The following EXOC6B variants were observed in gnomAD, a reference collection of about 807,000 sequenced individuals.
EXOC6B encodes exocyst complex component 6B, also known as SEC15 homolog B.
In EXOC6B, 54 loss-of-function variants were observed where a neutral mutation model predicts 113.5. The observed-to-expected ratio is 0.48, with a 90% CI of 0.38 to 0.60. EXOC6B has a LOEUF of 0.60. EXOC6B is among the 20% of genes least tolerant of loss of function. EXOC6B has a pLI of 0.00. For synonymous variants in EXOC6B, 357 were observed against 339.0 expected (o/e 1.05, Z -0.58); for missense variants, 797 against 977.5 (o/e 0.82, Z 2.46).
intron 18 of EXOC6B, among the ~76,000 whole-genome samples, chr2:72,433,214 G>C (rs1695651519): frequency 6.6e-6 from 1 of 152,206 alleles, no homozygotes; most frequent in African/African-American, 2.4e-5. Flanking sequence ...AGAACAGATG[G>C]TTGTAGATGT....
intron 20 of EXOC6B, among the ~76,000 whole-genome samples, chr2:72,273,971 A>G (rs546639787): frequency 1.3e-5 from 2 of 152,290 alleles, no homozygotes; most frequent in South Asian, 2.1e-4. Flanking sequence ...TGTAAGTTTT[A>G]TAATATATCT....
intron 6 of EXOC6B, among the ~76,000 whole-genome samples, chr2:72,588,641 C>A (rs1705734035): frequency 6.6e-6 from 1 of 151,800 alleles, no homozygotes; most frequent in Admixed American, 6.6e-5. Context: ...CTGAACTGTA[C>A]AATTACAGCT....
chr2:72,365,928 T>C (rs1690598872), intron 19 of EXOC6B, among the ~76,000 whole-genome samples: 1 of 152,150 alleles, frequency 6.6e-6, no homozygotes, highest in South Asian at 2.1e-4. Context: ...ACCCACTAGA[T>C]ACTTAAGAGC....
At chr2:72,808,044 G>A (rs552230031) in intron 1 of EXOC6B, among the ~76,000 whole-genome samples, 1 of 152,142 alleles carries the variant, frequency 6.6e-6, no homozygotes, top group Non-Finnish European at 1.5e-5. Flanking sequence ...TTGCATGTCT[G>A]TGTCAAAACA....
At chr2:72,674,777 C>T (rs556674194) in intron 6 of EXOC6B, among the ~76,000 whole-genome samples, 156 of 151,120 alleles carry the variant, frequency 1.0e-3, no homozygotes, top group African/African-American at 3.6e-3. Context: ...CCAGCCTGGG[C>T]GACAGTGTGA....
At chr2:72,475,425 T>C (rs1394834885) in intron 17 of EXOC6B, among the ~76,000 whole-genome samples, 2 of 152,096 alleles carry the variant, frequency 1.3e-5, no homozygotes, top group Non-Finnish European at 2.9e-5. Flanking sequence ...ACAGGTGGTG[T>C]ATGCAGGTAG....
chr2:72,402,011 A>T (rs1693370030), intron 18 of EXOC6B, among the ~76,000 whole-genome samples: 1 of 151,910 alleles, frequency 6.6e-6, no homozygotes, highest in African/African-American at 2.4e-5. Context: ...TAGACAAAAA[A>T]ATGGCCTCAT....
intron 6 of EXOC6B, among the ~76,000 whole-genome samples, chr2:72,619,662 T>C (rs1671627561): frequency 1.3e-5 from 2 of 151,938 alleles, no homozygotes; most frequent in South Asian, 4.2e-4. Context: ...AAAGTCGAGA[T>C]TGAAGAGGGG....
intron 18 of EXOC6B, among the ~76,000 whole-genome samples, chr2:72,395,657 A>T (rs890598396): frequency 3.9e-5 from 6 of 152,160 alleles, no homozygotes; most frequent in Non-Finnish European, 5.9e-5. Context: ...ACTAAAAAGG[A>T]AGTGATATGG....
At chr2:72,794,136 C>T (rs1298200740) in intron 1 of EXOC6B, among the ~76,000 whole-genome samples, 3 of 152,214 alleles carry the variant, frequency 2.0e-5, no homozygotes. Flanking sequence ...CTGTCACATG[C>T]TAAATAGTTC....
chr2:72,708,172 A>G (rs1270130059), intron 6 of EXOC6B, among the ~76,000 whole-genome samples: 2 of 152,224 alleles, frequency 1.3e-5, no homozygotes, highest in Non-Finnish European at 2.9e-5. Flanking sequence ...CAAGTTCCCA[A>G]TAATATACAT....
At chr2:72,470,784 A>T (rs1367445637) in intron 17 of EXOC6B, among the ~76,000 whole-genome samples, 1 of 138,988 alleles carries the variant, frequency 7.2e-6, no homozygotes, top group African/African-American at 3.3e-5. Flanking sequence ...ATGTCCCTAC[A>T]AAGGACATGA....
intron 8 of EXOC6B, among the ~76,000 whole-genome samples, chr2:72,521,072 G>A (rs868863102): frequency 1.4e-4 from 22 of 152,202 alleles, no homozygotes; most frequent in African/African-American, 5.1e-4. Flanking sequence ...TAAGAGATGC[G>A]GCCTTTAAGA....
intron 19 of EXOC6B, among the ~76,000 whole-genome samples, chr2:72,367,323 AC>A (rs1572977912): frequency 1.1e-5 from 1 of 95,112 alleles, no homozygotes; most frequent in African/African-American, 4.2e-5. Context: ...ACATAAAAAA[AC>A]ACTGATTAAT....
At chr2:72,557,045 G>A (rs912899222) in intron 8 of EXOC6B, among the ~76,000 whole-genome samples, 6 of 151,260 alleles carry the variant, frequency 4.0e-5, no homozygotes, top group Non-Finnish European at 8.8e-5. Flanking sequence ...AGATCCACTA[G>A]TCTATAAAGA....
intron 20 of EXOC6B, among the ~76,000 whole-genome samples, chr2:72,209,069 C>CA (rs1680003876): frequency 6.6e-5 from 10 of 151,652 alleles, no homozygotes; most frequent in Admixed American, 6.6e-4. Context: ...ACTAAAAATA[C>CA]AAAACTAGCC....
chr2:72,276,109 T>C (rs1684797061), intron 20 of EXOC6B, among the ~76,000 whole-genome samples: 1 of 151,984 alleles, frequency 6.6e-6, no homozygotes, highest in Non-Finnish European at 1.5e-5. Flanking sequence ...CTCTGGAGTG[T>C]TTTGAGGGGT....
intron 18 of EXOC6B, among the ~76,000 whole-genome samples, chr2:72,422,888 G>A (rs905449250): frequency 7.1e-6 from 1 of 141,540 alleles, no homozygotes; most frequent in Non-Finnish European, 1.5e-5. Context: ...TCAGCGCCCT[G>A]ACAAAACAGG....
intron 1 of EXOC6B, among the ~76,000 whole-genome samples, chr2:72,796,218 C>T (rs1251839983): frequency 4.6e-5 from 7 of 150,808 alleles, no homozygotes; most frequent in African/African-American, 1.2e-4. Flanking sequence ...TTTGGAAGGC[C>T]GAGGCGGGTG....
Sources: gnomAD v4.1 joint callset for allele counts (sites outside exome capture counted in the v4.1 genomes callset) on GRCh38, gnomAD v4.1.1 for gene constraint, MANE v1.5 for transcripts, NCBI Gene and HGNC (gene_info 2026-07-23, HGNC 2026-07-21) for gene names.